PROM2: variants seen among roughly 807,000 people sequenced by gnomAD.
The protein encoded by PROM2 is prominin-2.
In PROM2, 90 loss-of-function variants were observed where a neutral mutation model predicts 110.2. That is an observed-to-expected ratio of 0.82 (90% CI 0.69 to 0.97). PROM2 has a LOEUF of 0.97. PROM2 is among the 50% of genes least tolerant of loss of function. The probability of loss-of-function intolerance (pLI) is 0.00; values close to 1 mark genes in which losing one functional copy is unlikely to be tolerated. For synonymous variants in PROM2, 470 were observed against 467.8 expected, an observed-to-expected ratio of 1.00 and a Z score of -0.06; for missense variants, 1,009 against 1,074.8, an observed-to-expected ratio of 0.94 and a Z score of 0.86.
intron 20 of PROM2, among the ~76,000 whole-genome samples, chr2:95,287,823 C>T (rs1278584577): frequency 6.6e-6 from 1 of 152,240 alleles, no homozygotes; most frequent in Non-Finnish European, 1.5e-5. Context: ...CCTCTGCAAG[C>T]TGTCTGGATG....
rs1412647803 is a variant in PROM2, at chr2:95,275,844, C to G, written c.295-86C>G. 1 of 1,539,094 alleles carries G rather than the reference C, an allele frequency of 6.5e-7. No homozygotes were observed. Among genetic ancestry groups the G allele is most frequent in the Middle Eastern group, 2.0e-4 (1 of 5,072 alleles). ...CCATGCCCCTGACGGCACTCCCGCC[C>G]CTTCTGGTTTCCCTCTGGACTCAGG... On this transcript the variant is annotated intron_variant, in intron 2 of 23. Coordinates refer to ENST00000317620, the MANE Select transcript of PROM2 (RefSeq NM_001165978.3). This position sits in a 1 kb window ranked among gnomAD's most constrained non-coding sequence, Gnocchi z 4.4.
At chr2:95,281,508 A>G in intron 12 of PROM2, 143 bp downstream of exon 12, 1 of 1,125,850 alleles carries the variant, frequency 8.9e-7, no homozygotes, top group Non-Finnish European at 1.2e-6. Context: ...TGGCCAAGGA[A>G]AGAGACAGAA....
At chr2:95,277,757 G>A in intron 7 of PROM2, 173 bp from the exon 8 acceptor site, 1 of 759,176 alleles carries the variant, frequency 1.3e-6, no homozygotes, top group Non-Finnish European at 2.1e-6. Flanking sequence ...AACTTCATGT[G>A]TGTGAGCTCC....
intron 12 of PROM2, 57 bp from the exon 13 acceptor site, chr2:95,281,868 C>A: frequency 8.3e-7 from 1 of 1,210,222 alleles, no homozygotes; most frequent in South Asian, 1.2e-5. Context: ...CCTAGGGGAC[C>A]AGGGTGGCCT....
At chr2:95,278,535 A>G in intron 8 of PROM2, 186 bp from the exon 9 acceptor site, 1 of 674,056 alleles carries the variant, frequency 1.5e-6, no homozygotes. Context: ...GTCCGGGAGG[A>G]GCAACGTTTT....
At chr2:95,283,396 A>C (rs754324339) in intron 14 of PROM2, among the ~76,000 whole-genome samples, 41 of 152,240 alleles carry the variant, frequency 2.7e-4, no homozygotes, top group Non-Finnish European at 5.3e-4. Context: ...TGGCTGTAAG[A>C]ATCCTCGTCC....
chr2:95,274,534 C>A lies in PROM2; in HGVS notation c.-52C>A, dbSNP rs1676529000. The A allele has an allele frequency of 6.6e-7, 1 of 1,512,574 alleles. No homozygotes were observed. The allele number at this position is 1,512,574 out of a possible 1,614,324, so 93.7% of individuals were successfully genotyped here. A position where few individuals can be genotyped will look rare whatever the true frequency, so the allele number is the denominator to read the frequency against. On this transcript the variant is annotated 5_prime_UTR_variant, in exon 1 of 24. Transcript: ENST00000317620. ...GGCTGGAGAAGGATGTATGGCCTGC[C>A]CTGGGCTTGTCTGTTCCCTCCTGAG... is the stretch of plus-strand genomic sequence containing the variant.
chr2:95,287,898 AGT>A (rs773312944), intron 20 of PROM2, among the ~76,000 whole-genome samples: 9 of 152,082 alleles, frequency 5.9e-5, no homozygotes, highest in Non-Finnish European at 1.2e-4. Flanking sequence ...TGTGTGTGTG[AGT>A]GTGTGTGTAT....
chr2:95,274,536 T>G lies in PROM2; in HGVS notation c.-50T>G, dbSNP rs776790731. 6.6e-7 allele frequency: 1 copy of G among 1,513,072 alleles called. No individual in the cohort carries two copies. The highest frequency in any genetic ancestry group is 2.4e-5 in the East Asian group (1 of 42,530). 93.7% of individuals were successfully genotyped at this position (1,513,072 alleles called of 1,614,324 possible). A position where few individuals can be genotyped will look rare whatever the true frequency, so the allele number is the denominator to read the frequency against. On this transcript the variant is annotated 5_prime_UTR_variant, in exon 1 of 24. Coordinates refer to ENST00000317620, the MANE Select transcript of PROM2 (RefSeq NM_001165978.3). Reference sequence around the variant, plus strand: ...CTGGAGAAGGATGTATGGCCTGCCCTGGGCTTGTCTGTTCCCTCCTGAGCC... The same window carrying G: ...CTGGAGAAGGATGTATGGCCTGCCCGGGGCTTGTCTGTTCCCTCCTGAGCC...
chr2:95,285,161 G>A, intron 15 of PROM2, 46 bp downstream of exon 15: 1 of 1,492,828 alleles, frequency 6.7e-7, no homozygotes, highest in Non-Finnish European at 9.0e-7. Context: ...AGGTGGTGAT[G>A]GAACGAAGGG....
In PROM2 at chr2:95,274,630, C is replaced by G; in HGVS notation, c.45C>G (p.Gly15=). 1 of 1,606,648 alleles carries G rather than the reference C, an allele frequency of 6.2e-7. No individual in the cohort carries two copies. Among genetic ancestry groups the G allele is most frequent in the Non-Finnish European group, 8.5e-7 (1 of 1,175,222 alleles). ...TGCTGGCTCCCCTGCTGGGCCTGGGCCTGGGGCTGGCCCTGAGTCAGCTGG... is the reference window on the plus strand; with the variant it reads ...TGCTGGCTCCCCTGCTGGGCCTGGGGCTGGGGCTGGCCCTGAGTCAGCTGG... The part of the protein sequence containing the change: ...LALLAPLLGL[G]LGLALSQLAA... The change falls in exon 1 of 24, where the codon GGC becomes GGG. Residue 15 remains glycine (G), a synonymous_variant. Transcript: ENST00000317620.
chr2:95,276,381 C>T lies in PROM2; in HGVS notation c.618+34C>T, dbSNP rs1676661396. On this transcript the variant is annotated intron_variant, in intron 4 of 23. Coordinates refer to ENST00000317620, the MANE Select transcript of PROM2 (RefSeq NM_001165978.3). The surrounding 1 kb of genome is among the most constrained non-coding windows in gnomAD (Gnocchi z 4.6). ...TGTTACCCCTCACCCTCATGTGCCC[C>T]TGTGAGCACTGGGCCCGGGCAGGAC... The T allele has an allele frequency of 1.2e-6, 2 of 1,609,204 alleles. No individual in the cohort carries two copies. The highest frequency in any genetic ancestry group is 1.3e-5 in the African/African-American group (1 of 74,866).
chr2:95,288,301 G>T lies in PROM2; in HGVS notation c.2334+1G>T. On this transcript the variant is annotated splice_donor_variant, in intron 21 of 23. Coordinates refer to ENST00000317620, the MANE Select transcript of PROM2 (RefSeq NM_001165978.3). LOFTEE classifies it high-confidence loss of function. ...GTGTGACATGATGGCTGACCCCTGG[G>T]TGAGTGCCCCAGCTCATCGGGGCTT... The T allele has an allele frequency of 6.2e-7, 1 of 1,614,044 alleles. No homozygotes were observed.
rs770408944 is a variant in PROM2 at position 95,288,958 on chromosome 2, C to T, written c.2467C>T (p.Leu823Phe). 6.2e-7 allele frequency: 1 copy of T among 1,614,130 alleles called. No homozygotes were observed. Among genetic ancestry groups the T allele is most frequent in the Non-Finnish European group, 8.5e-7 (1 of 1,179,984 alleles). The change falls in exon 23 of 24, where the codon CTC becomes TTC. Residue 823 changes from leucine to phenylalanine, a missense_variant. Physicochemically the swap from Leu to Phe is conservative, Grantham distance 22. Coordinates refer to ENST00000317620, the MANE Select transcript of PROM2 (RefSeq NM_001165978.3). The stretch of plus-strand genomic sequence containing the variant: ...CTCCACCAGCTCTGAGGAGACTCAG[C>T]TCTTCCACATCCCCCGGGTTACCTC... The part of the protein sequence containing the change: ...LSSTSSEETQ[L>F]FHIPRVTSLK...
In PROM2 at chr2:95,276,934, T is replaced by C. The variant is rs1573446032; in HGVS notation, c.683-38T>C. The C allele has an allele frequency of 1.3e-6, 2 of 1,541,616 alleles. No homozygotes were observed. Among genetic ancestry groups the C allele is most frequent in the East Asian group, 4.9e-5 (2 of 40,856 alleles). ...GGGAATGGGGAGGGCCCCTCCACTC[T>C]TGGGGTCCCACCCTGCAGACTGCCC... On this transcript the variant is annotated intron_variant, in intron 5 of 23. Transcript: ENST00000317620. The surrounding 1 kb of genome is among the most constrained non-coding windows in gnomAD (Gnocchi z 4.6).
At position 95,276,830 on chromosome 2, in the gene PROM2, A is replaced by G; in HGVS notation, c.683-142A>G. 9.2e-7 allele frequency: 1 copy of G among 1,084,732 alleles called. No homozygotes were observed. The highest frequency in any genetic ancestry group is 1.4e-6 in the Non-Finnish European group (1 of 738,684). 67.2% of individuals were successfully genotyped at this position (1,084,732 alleles called of 1,614,324 possible). A position where few individuals can be genotyped will look rare whatever the true frequency, so the allele number is the denominator to read the frequency against. Reference sequence around the variant, plus strand: ...TGGCCGCCACTCAGCTGCTGGAGGAAGAAGCCGTGTCCCCGCTCCTTCACT... The same window carrying G: ...TGGCCGCCACTCAGCTGCTGGAGGAGGAAGCCGTGTCCCCGCTCCTTCACT... On this transcript the variant is annotated intron_variant, in intron 5 of 23. Transcript: ENST00000317620. The surrounding 1 kb of genome is among the most constrained non-coding windows in gnomAD (Gnocchi z 4.6).
rs748750337 is a variant in PROM2 at position 95,281,388 on chromosome 2, G to T, written c.1551+23G>T. On this transcript the variant is annotated intron_variant, in intron 12 of 23. Coordinates refer to ENST00000317620, the MANE Select transcript of PROM2 (RefSeq NM_001165978.3). ...GAGGTAGGCCTGTCTCTGCTCACAGGCCCTCCTGGGGAGAGAGGTGGGGGG... is the reference window on the plus strand; with the variant it reads ...GAGGTAGGCCTGTCTCTGCTCACAGTCCCTCCTGGGGAGAGAGGTGGGGGG... 1.0e-5 allele frequency: 16 copies of T among 1,547,138 alleles called. No individual in the cohort carries two copies. In the East Asian group the frequency reaches 4.0e-4, roughly 39 times the overall value.
chr2:95,289,323 C>A lies in PROM2; in HGVS notation c.*110C>A. 1 of 395,784 alleles carries A rather than the reference C, an allele frequency of 2.5e-6. No homozygotes were observed. Among genetic ancestry groups the A allele is most frequent in the Non-Finnish European group, 4.7e-6 (1 of 213,716 alleles). The allele number at this position is 395,784 out of a possible 1,614,324, so 24.5% of individuals were successfully genotyped here. On this transcript the variant is annotated 3_prime_UTR_variant, in exon 24 of 24. Transcript: ENST00000317620. ...CCAGAGCCCAGGCTGGCATCCAGGC[C>A]TGGACTGTCCCCAGTTCCGGCTTAC...
At chr2:95,279,695 G>A in intron 10 of PROM2, 150 bp from the exon 11 acceptor site, 1 of 540,432 alleles carries the variant, frequency 1.9e-6, no homozygotes, top group Non-Finnish European at 2.9e-6. Context: ...CCACACAAGA[G>A]CAGTAGGGCC....
Sources: allele counts gnomAD v4.1 joint callset (sites outside exome capture counted in the v4.1 genomes callset), GRCh38; gene constraint gnomAD v4.1.1; non-coding constraint Gnocchi (gnomAD v3.1); transcripts MANE v1.5; gene names NCBI Gene and HGNC (gene_info 2026-07-23, HGNC 2026-07-21).